ARHGEF3: variants seen among roughly 807,000 people sequenced by gnomAD.
ARHGEF3 encodes the protein 59.8 kDA protein.
Under a neutral mutation model 63.2 loss-of-function variants are expected in ARHGEF3, and 28 were observed. The ratio of observed to expected loss-of-function variants is 0.44; its 90% CI spans 0.33 to 0.61. ARHGEF3 has a LOEUF of 0.61. Ranked by LOEUF, ARHGEF3 falls within the 20% of genes least tolerant of loss-of-function variation. ARHGEF3 has a pLI of 0.03. For synonymous variants in ARHGEF3, 266 were observed against 254.2 expected, an observed-to-expected ratio of 1.05 and a Z score of -0.44; for missense variants, 533 against 659.3, an observed-to-expected ratio of 0.81 and a Z score of 2.10.
intron 3 of ARHGEF3, among the ~76,000 whole-genome samples, chr3:56,905,046 G>A (rs1477648463): frequency 2.0e-5 from 3 of 152,102 alleles, no homozygotes; most frequent in Non-Finnish European, 4.4e-5. Context: ...TCACGCCTTT[G>A]AGCCTCAGCC....
chr3:56,972,324 A>G (rs1700949295), intron 2 of ARHGEF3, among the ~76,000 whole-genome samples: 1 of 152,160 alleles, frequency 6.6e-6, no homozygotes, highest in Non-Finnish European at 1.5e-5. Context: ...TTTGAGAAGT[A>G]AATAAATAAT....
chr3:56,855,185 C>A (rs1396605980), intron 4 of ARHGEF3, among the ~76,000 whole-genome samples: 1 of 151,870 alleles, frequency 6.6e-6, no homozygotes, highest in Non-Finnish European at 1.5e-5. Flanking sequence ...GGGAGGGGTG[C>A]CTGCAGTCAC....
chr3:56,880,083 G>C (rs1014621877), intron 4 of ARHGEF3, among the ~76,000 whole-genome samples: 1 of 152,134 alleles, frequency 6.6e-6, no homozygotes, highest in Admixed American at 6.5e-5. Flanking sequence ...ACAGCTTCTA[G>C]AATTCTTCCA....
intron 4 of ARHGEF3, among the ~76,000 whole-genome samples, chr3:56,876,095 T>C (rs67076439): frequency 0.28 from 42,955 of 151,934 alleles, 6,391 homozygotes; most frequent in East Asian, 0.51. Flanking sequence ...ATTCCACAAA[T>C]GGGAGAATAG....
At chr3:57,035,381 G>A (rs1442200226) in intron 1 of ARHGEF3, among the ~76,000 whole-genome samples, 4 of 151,626 alleles carry the variant, frequency 2.6e-5, no homozygotes, top group Non-Finnish European at 4.4e-5. Context: ...ACAGAGTCTC[G>A]CTCTGTCACC....
chr3:56,790,521 TG>T (rs1376758649), intron 1 of ARHGEF3, among the ~76,000 whole-genome samples: 68 of 152,292 alleles, frequency 4.5e-4, no homozygotes, highest in African/African-American at 1.6e-3. Flanking sequence ...GAACCAAGAC[TG>T]CCAAAACCTA....
chr3:56,856,707 TG>T (rs1447658983), intron 4 of ARHGEF3, among the ~76,000 whole-genome samples: 14,101 of 119,382 alleles, frequency 0.12, 992 homozygotes, highest in Admixed American at 0.24. Context: ...AGAGGTTTTT[TG>T]TTTTTTTTTT....
intron 2 of ARHGEF3, among the ~76,000 whole-genome samples, chr3:57,028,214 A>G (rs1474917292): frequency 2.7e-5 from 4 of 146,252 alleles, no homozygotes; most frequent in African/African-American, 1.0e-4. Flanking sequence ...AGGACTATAA[A>G]TCATGCTGCT....
chr3:56,851,083 G>A (rs529421811), intron 4 of ARHGEF3, among the ~76,000 whole-genome samples: 4 of 152,182 alleles, frequency 2.6e-5, no homozygotes, highest in Admixed American at 1.3e-4. Context: ...TTCCACCTGA[G>A]GGCCCTGGTT....
chr3:57,069,635 G>A (rs1705771327), intron 1 of ARHGEF3, among the ~76,000 whole-genome samples: 1 of 116,236 alleles, frequency 8.6e-6, no homozygotes, highest in South Asian at 3.0e-4. Flanking sequence ...TACATGTCAG[G>A]GTGTAAACTA....
intron 1 of ARHGEF3, among the ~76,000 whole-genome samples, chr3:56,791,589 T>TG (rs1359374705): frequency 6.6e-6 from 1 of 152,196 alleles, no homozygotes; most frequent in Non-Finnish European, 1.5e-5. Context: ...CACAGTGTTC[T>TG]GGCTAACTTT....
At chr3:57,038,032 C>G in intron 1 of ARHGEF3, among the ~76,000 whole-genome samples, 1 of 152,324 alleles carries the variant, frequency 6.6e-6, no homozygotes, top group East Asian at 1.9e-4. Flanking sequence ...AATTCTCACA[C>G]CAGCCCTAGG....
intron 2 of ARHGEF3, among the ~76,000 whole-genome samples, chr3:56,968,221 ATAAT>A (rs1352821053): frequency 4.7e-5 from 1 of 21,434 alleles, no homozygotes; most frequent in African/African-American, 1.1e-4. Context: ...TATATTATAT[ATAAT>A]ATATATATAA....
chr3:56,762,718 C>A lies in ARHGEF3; in HGVS notation c.205-7567G>T, dbSNP rs114863606. Among the ~76,000 whole-genome samples the A allele has an allele frequency of 2.6e-3, 399 of 152,202 alleles. 1 individual carries two copies. The highest frequency in any genetic ancestry group is 9.0e-3 in the African/African-American group (372 of 41,510). ...TGCTAACCATATTGCTATTTTGTAGCAGATGGTTTATTATCAGGGATTGGA... is the reference window on the plus strand; with the variant it reads ...TGCTAACCATATTGCTATTTTGTAGAAGATGGTTTATTATCAGGGATTGGA... On this transcript the variant is annotated intron_variant, in intron 2 of 9. Coordinates refer to ENST00000296315, the MANE Select transcript of ARHGEF3 (RefSeq NM_019555.3).
intron 3 of ARHGEF3, among the ~76,000 whole-genome samples, chr3:56,901,917 A>AC (rs1172836251): frequency 5.9e-5 from 9 of 152,176 alleles, no homozygotes; most frequent in African/African-American, 2.2e-4. Flanking sequence ...GGCCAATGAC[A>AC]CCATAACTCA....
chr3:56,819,723 G>A (rs987893048), intron 4 of ARHGEF3, among the ~76,000 whole-genome samples: 9 of 151,596 alleles, frequency 5.9e-5, no homozygotes, highest in African/African-American at 1.7e-4. Context: ...GTCTTACTAC[G>A]TTGCCTAGGC....
At chr3:56,764,519 C>T (rs932488865) in intron 2 of ARHGEF3, among the ~76,000 whole-genome samples, 6 of 152,098 alleles carry the variant, frequency 3.9e-5, no homozygotes, top group African/African-American at 1.4e-4. Flanking sequence ...ACTCTGAACA[C>T]CCTACGGAAT....
intron 3 of ARHGEF3, among the ~76,000 whole-genome samples, chr3:56,927,681 T>C (rs930832739): frequency 6.6e-6 from 1 of 152,250 alleles, no homozygotes; most frequent in East Asian, 1.9e-4. Context: ...ATACCTACCA[T>C]GGACCACAGA....
chr3:56,896,677 T>A (rs548042356), intron 3 of ARHGEF3, among the ~76,000 whole-genome samples: 4 of 152,224 alleles, frequency 2.6e-5, no homozygotes, highest in African/African-American at 2.4e-5. Context: ...GCCAGTTACG[T>A]TGTATAATTT....
Sources: gnomAD v4.1 joint callset for allele counts (sites outside exome capture counted in the v4.1 genomes callset) on GRCh38, gnomAD v4.1.1 for gene constraint, MANE v1.5 for transcripts, NCBI Gene and HGNC (gene_info 2026-07-23, HGNC 2026-07-21) for gene names.